The following PCCB variants were observed in gnomAD, a reference collection of about 807,000 sequenced individuals.
The protein encoded by PCCB is propionyl-CoA carboxylase subunit beta.
A neutral mutation model predicts 60.7 loss-of-function variants in PCCB; 43 were observed. That is an observed-to-expected ratio of 0.71 (90% CI 0.55 to 0.91). PCCB has a LOEUF of 0.91. Ranked by LOEUF, PCCB falls within the 40% of genes least tolerant of loss-of-function variation. The pLI is 0.00. For synonymous variants in PCCB, 276 were observed against 255.9 expected, an observed-to-expected ratio of 1.08 and a Z score of -0.75; for missense variants, 766 against 702.8, an observed-to-expected ratio of 1.09 and a Z score of -1.02.
intron 6 of PCCB, among the ~76,000 whole-genome samples, chr3:136,288,969 A>AT (rs1933550853): frequency 2.0e-5 from 3 of 151,774 alleles, no homozygotes; most frequent in Admixed American, 2.0e-4. Flanking sequence ...TGCCTGGCCA[A>AT]TTTTTTTATT....
chr3:136,324,416 T>G (rs189734552), intron 10 of PCCB, among the ~76,000 whole-genome samples: 1 of 152,328 alleles, frequency 6.6e-6, no homozygotes, highest in Admixed American at 6.5e-5. Context: ...GGTTAAAGTT[T>G]AAGGTTTTCT....
chr3:136,321,775 C>T (rs1935118910), intron 10 of PCCB, among the ~76,000 whole-genome samples: 1 of 152,190 alleles, frequency 6.6e-6, no homozygotes, highest in South Asian at 2.1e-4. Flanking sequence ...TTTTAAATTT[C>T]AGATTCTACT....
intron 5 of PCCB, among the ~76,000 whole-genome samples, chr3:136,274,464 C>G (rs1319412781): frequency 2.0e-5 from 3 of 152,174 alleles, no homozygotes; most frequent in Non-Finnish European, 4.4e-5. Context: ...TCCCTTCTAG[C>G]TTGTAAGGTT....
chr3:136,304,437 A>G lies in PCCB; in HGVS notation c.966+3326A>G, dbSNP rs2108212265. Reference sequence around the variant, plus strand: ...GGCTCTGTCGCCCGGGCTGGAGTGCAGTGGCGTGATCTCGGCTCACTGCAA... The same window carrying G: ...GGCTCTGTCGCCCGGGCTGGAGTGCGGTGGCGTGATCTCGGCTCACTGCAA... On this transcript the variant is annotated intron_variant, in intron 9 of 14. Coordinates refer to ENST00000251654, the MANE Select transcript of PCCB (RefSeq NM_000532.5). Among the ~76,000 whole-genome samples, 2 of 116,590 alleles carry G rather than the reference A, an allele frequency of 1.7e-5. 1 individual carries two copies. Among genetic ancestry groups the G allele is most frequent in the African/African-American group, 5.2e-5 (2 of 38,528 alleles). 76.5% of individuals were successfully genotyped at this position (116,590 alleles called of 152,430 possible). A position where few individuals can be genotyped will look rare whatever the true frequency, so the allele number is the denominator to read the frequency against.
intron 5 of PCCB, among the ~76,000 whole-genome samples, chr3:136,278,140 T>TC (rs1942381602): frequency 6.6e-6 from 1 of 152,150 alleles, no homozygotes; most frequent in South Asian, 2.1e-4. Flanking sequence ...GCAAAGCACT[T>TC]CCCGCCACTG....
At chr3:136,295,772 T>C (rs1933903993) in intron 7 of PCCB, among the ~76,000 whole-genome samples, 1 of 152,146 alleles carries the variant, frequency 6.6e-6, no homozygotes, top group Non-Finnish European at 1.5e-5. Flanking sequence ...TTCACGCACA[T>C]GAGCGTGAAT....
intron 6 of PCCB, among the ~76,000 whole-genome samples, chr3:136,290,778 C>T (rs1000765360): frequency 9.5e-5 from 14 of 147,302 alleles, no homozygotes; most frequent in African/African-American, 2.8e-4. Flanking sequence ...ATTATTGCTT[C>T]CTATATTCTG....
Position 136,250,408 on chromosome 3 carries a change from G to T in PCCB, c.33G>T (p.Gly11=). MAAALRVAAV[G]ARLSVLASGL... is the part of the protein sequence containing the mutation. ...CGGCATTACGGGTGGCGGCGGTCGG[G>T]GCAAGGCTCAGCGTTCTGGCGAGCG... is the stretch of plus-strand genomic sequence containing the variant. The change falls in exon 1 of 15, where the codon GGG becomes GGT. Residue 11 remains glycine, a synonymous_variant. Coordinates refer to ENST00000251654, the MANE Select transcript of PCCB (RefSeq NM_000532.5). 6.4e-7 allele frequency: 1 copy of T among 1,572,774 alleles called. No homozygotes were observed.
At chr3:136,318,459 G>A (rs1247628276) in intron 10 of PCCB, among the ~76,000 whole-genome samples, 2 of 152,104 alleles carry the variant, frequency 1.3e-5, no homozygotes, top group East Asian at 1.9e-4. Flanking sequence ...TAGTGCAACC[G>A]CAGTGATTAC....
At chr3:136,265,837 T>G (rs1463952236) in intron 5 of PCCB, among the ~76,000 whole-genome samples, 1 of 151,816 alleles carries the variant, frequency 6.6e-6, no homozygotes, top group Non-Finnish European at 1.5e-5. Context: ...TTTGTTTTTT[T>G]TTTTTTGAGA....
Position 136,301,049 on chromosome 3 carries a change from C to T in PCCB, c.904C>T (p.Leu302Phe), listed in dbSNP as rs1434909955. The T allele has an allele frequency of 1.2e-6, 2 of 1,614,088 alleles. No homozygotes were observed. Among genetic ancestry groups the T allele is most frequent in the East Asian group, 2.2e-5 (1 of 44,888 alleles). ...CTAAAGTGACCGTCTGGTTCCTGAG[C>T]TTGACACAATTGTCCCTTTGGAATC... ...HDPSDRLVPE[L>F]DTIVPLESTK... Residue 302 changes from leucine (L) to phenylalanine (F), a missense_variant, in exon 9 of 15, where the codon CTT becomes TTT. Leu to Phe is a conservative substitution (Grantham distance 22). Coordinates refer to ENST00000251654, the MANE Select transcript of PCCB (RefSeq NM_000532.5).
At chr3:136,296,872 T>A (rs1042063479) in intron 7 of PCCB, among the ~76,000 whole-genome samples, 3 of 152,184 alleles carry the variant, frequency 2.0e-5, no homozygotes, top group Non-Finnish European at 4.4e-5. Flanking sequence ...AGTACCTATG[T>A]GTGAAGCATT....
At chr3:136,261,000 A>G (rs763150013) in intron 4 of PCCB, among the ~76,000 whole-genome samples, 1 of 152,228 alleles carries the variant, frequency 6.6e-6, no homozygotes, top group Non-Finnish European at 1.5e-5. Flanking sequence ...CTCATTGCCT[A>G]TATCAATAAT....
At chr3:136,260,442 A>T (rs181906583) in intron 3 of PCCB, 37 bp from the exon 4 acceptor site, 17 of 1,552,030 alleles carry the variant, frequency 1.1e-5, no homozygotes, top group Non-Finnish European at 1.5e-5. Context: ...CTAGCCAGTC[A>T]CTATATTTGA....
At position 136,261,947 on chromosome 3, in the gene PCCB, C is replaced by G. The variant is rs369339939; in HGVS notation, c.430-5C>G. The G allele has an allele frequency of 1.2e-5, 18 of 1,526,722 alleles. No individual in the cohort carries two copies. In the African/African-American group the frequency reaches 2.5e-4, roughly 21 times the overall value. 94.6% of individuals were successfully genotyped at this position (1,526,722 alleles called of 1,614,324 possible). On this transcript the variant is annotated splice_region_variant and splice_polypyrimidine_tract_variant and intron_variant, in intron 4 of 14. Transcript: ENST00000251654. ...TCTCAATAAAAGATTTCTCTGCTGT[C>G]TCAGATCATGGACCAGGCCATAACG...
intron 10 of PCCB, among the ~76,000 whole-genome samples, chr3:136,325,854 C>T (rs1935287261): frequency 6.6e-6 from 1 of 152,082 alleles, no homozygotes; most frequent in South Asian, 2.1e-4. Context: ...TGCTCTGTCA[C>T]CCGGGCTGGA....
In PCCB at chr3:136,327,711, G is replaced by A; in HGVS notation, c.1377G>A (p.Glu459=). 6.2e-7 allele frequency: 1 copy of A among 1,613,962 alleles called. No individual in the cohort carries two copies. Among genetic ancestry groups the A allele is most frequent in the Non-Finnish European group, 8.5e-7 (1 of 1,179,902 alleles). The part of the protein sequence containing the change: ...GDTNYAWPTA[E]IAVMGAKGAV... ...CCAACTATGCCTGGCCCACCGCAGA[G>A]ATTGCAGTCATGGGAGCAAAGGTGA... The change falls in exon 13 of 15, where the codon GAG becomes GAA. Residue 459 remains glutamate, a synonymous_variant. Transcript: ENST00000251654.
intron 9 of PCCB, among the ~76,000 whole-genome samples, chr3:136,315,466 GC>G (rs1267197745): frequency 1.3e-5 from 2 of 152,180 alleles, no homozygotes; most frequent in Non-Finnish European, 1.5e-5. Flanking sequence ...GGCGGAGATT[GC>G]AGTGAGCCGA....
chr3:136,264,440 G>GTGTGTATA, intron 5 of PCCB, among the ~76,000 whole-genome samples: 20 of 123,824 alleles, frequency 1.6e-4, no homozygotes, highest in South Asian at 5.3e-4. Context: ...ATGTGTGTGT[G>GTGTGTATA]TATATATGTA....
Sources: gnomAD v4.1 joint callset for allele counts (sites outside exome capture counted in the v4.1 genomes callset) on GRCh38, gnomAD v4.1.1 for gene constraint, MANE v1.5 for transcripts, NCBI Gene and HGNC (gene_info 2026-07-23, HGNC 2026-07-21) for gene names.